NEK6: variants seen among roughly 807,000 people sequenced by gnomAD.
NEK6 encodes serine/threonine-protein kinase Nek6.
A neutral mutation model predicts 43.5 loss-of-function variants in NEK6; 27 were observed. That is an observed-to-expected ratio of 0.62 (90% CI 0.46 to 0.86). The LOEUF (loss-of-function observed/expected upper bound fraction) is 0.86, where lower values mean the gene tolerates loss of function less well. NEK6 is among the 40% of genes least tolerant of loss of function. The probability of loss-of-function intolerance (pLI) is 0.00; values close to 1 mark genes in which losing one functional copy is unlikely to be tolerated. For missense variants in NEK6, 318 were observed against 414.4 expected, an observed-to-expected ratio of 0.77 and a Z score of 2.02; for synonymous variants, 167 against 164.1, an observed-to-expected ratio of 1.02 and a Z score of -0.14.
At chr9:124,278,108 C>A (rs1242708041) in intron 1 of NEK6, among the ~76,000 whole-genome samples, 1 of 152,202 alleles carries the variant, frequency 6.6e-6, no homozygotes, top group African/African-American at 2.4e-5. Context: ...TGTAAACACA[C>A]AAATACTGAC....
intron 4 of NEK6, among the ~76,000 whole-genome samples, chr9:124,316,514 C>T (rs1264279027): frequency 4.6e-5 from 7 of 152,212 alleles, no homozygotes; most frequent in African/African-American, 9.6e-5. Context: ...AGACAAAGCC[C>T]AACCACATTG....
At position 124,272,999 on chromosome 9, in the gene NEK6, G is replaced by T. The variant is rs138888651; in HGVS notation, c.-30+14914G>T. Among the ~76,000 whole-genome samples the T allele has an allele frequency of 1.6e-4, 24 of 152,338 alleles. No individual in the cohort carries two copies. The East Asian group carries it at 4.6e-3, about 29-fold the overall frequency. On this transcript the variant is annotated intron_variant, in intron 1 of 9. Coordinates refer to ENST00000320246, the MANE Select transcript of NEK6 (RefSeq NM_014397.6). ...AAGCAGTAGACTCTCAGCGGCCCAT[G>T]TGTCAGGGCTGTGCTGGGTGCTGCA...
chr9:124,350,974 G>T lies in NEK6; in HGVS notation c.*27G>T. ...CGTGGATGCACCGTGCCTTATCAAAGCCAGCACCACTTTGCCTTACTTGAG... is the reference window on the plus strand; with the variant it reads ...CGTGGATGCACCGTGCCTTATCAAATCCAGCACCACTTTGCCTTACTTGAG... On this transcript the variant is annotated 3_prime_UTR_variant, in exon 10 of 10. Coordinates refer to ENST00000320246, the MANE Select transcript of NEK6 (RefSeq NM_014397.6). 1 of 1,534,474 alleles carries T rather than the reference G, an allele frequency of 6.5e-7. No homozygotes were observed.
chr9:124,328,743 A>T (rs1335061669), intron 7 of NEK6, among the ~76,000 whole-genome samples: 2 of 152,190 alleles, frequency 1.3e-5, no homozygotes, highest in African/African-American at 4.8e-5. Context: ...CGCGTCACAC[A>T]CACTTAGGAG....
chr9:124,293,073 G>C, intron 1 of NEK6: 1 of 1,417,904 alleles, frequency 7.1e-7, no homozygotes, highest in Non-Finnish European at 9.3e-7. Flanking sequence ...GCCTGCTAGC[G>C]GGCCTGGGAC....
chr9:124,312,946 T>C (rs557954381), intron 3 of NEK6, among the ~76,000 whole-genome samples: 9 of 152,324 alleles, frequency 5.9e-5, no homozygotes, highest in African/African-American at 2.2e-4. Flanking sequence ...ATCTCTCAGA[T>C]GAGGAAAATC....
intron 2 of NEK6, among the ~76,000 whole-genome samples, chr9:124,307,947 G>A (rs1177120669): frequency 6.6e-6 from 1 of 152,134 alleles, no homozygotes; most frequent in African/African-American, 2.4e-5. Context: ...CCCAGTCCCC[G>A]GGGAAGCAGG....
intron 1 of NEK6, among the ~76,000 whole-genome samples, chr9:124,293,423 C>G (rs548126249): frequency 3.3e-5 from 5 of 152,332 alleles, no homozygotes; most frequent in Non-Finnish European, 7.3e-5. Flanking sequence ...CAAGAATCTT[C>G]TGGGCAGAAG....
rs181742214 is a variant in NEK6 at position 124,329,312 on chromosome 9, T to C, written c.622+1867T>C. On this transcript the variant is annotated intron_variant, in intron 7 of 9. Transcript: ENST00000320246. ...GAGAAGAGTTAGAACCGCTGCGTCC[T>C]GTCCCCCGTCAGTCAGCACCGAGCC... 1.5e-4 allele frequency among the ~76,000 whole-genome samples: 23 copies of C among 152,362 alleles called. No individual in the cohort carries two copies. The East Asian group carries it at 4.4e-3, about 29-fold the overall frequency.
chr9:124,300,816 C>T (rs1227107850), intron 1 of NEK6, among the ~76,000 whole-genome samples: 1 of 152,200 alleles, frequency 6.6e-6, no homozygotes, highest in Non-Finnish European at 1.5e-5. Flanking sequence ...CTCCATTCCT[C>T]AGGACTTCTG....
At chr9:124,277,439 C>G (rs1371779715) in intron 1 of NEK6, among the ~76,000 whole-genome samples, 3 of 152,164 alleles carry the variant, frequency 2.0e-5, no homozygotes, top group Non-Finnish European at 4.4e-5. Flanking sequence ...GAGTGAGGCT[C>G]CATCTCAAAA....
chr9:124,268,849 A>G (rs1272851841), intron 1 of NEK6, among the ~76,000 whole-genome samples: 1 of 152,232 alleles, frequency 6.6e-6, no homozygotes, highest in African/African-American at 2.4e-5. Context: ...ACAGAACTGC[A>G]GCACATCAGT....
At chr9:124,341,107 A>G (rs1046537518) in intron 8 of NEK6, among the ~76,000 whole-genome samples, 2 of 152,150 alleles carry the variant, frequency 1.3e-5, no homozygotes, top group East Asian at 1.9e-4. Flanking sequence ...CAGTGGCGCA[A>G]TCTCGGCTCA....
chr9:124,284,685 G>A (rs777418009), intron 1 of NEK6, among the ~76,000 whole-genome samples: 33 of 152,208 alleles, frequency 2.2e-4, no homozygotes, highest in African/African-American at 5.3e-4. Flanking sequence ...GGAATTCTCC[G>A]GACGCCTGTG....
At chr9:124,319,316 T>A (rs1258014924) in intron 4 of NEK6, among the ~76,000 whole-genome samples, 3 of 152,118 alleles carry the variant, frequency 2.0e-5, no homozygotes, top group Non-Finnish European at 2.9e-5. Flanking sequence ...TTTGTTTTTT[T>A]TTATTGATTT....
rs147358571 is a variant in NEK6 at position 124,314,616 on chromosome 9, G to A, written c.294+631G>A. Among the ~76,000 whole-genome samples, 434 of 151,958 alleles carry A rather than the reference G, an allele frequency of 2.9e-3. 6 individuals carry two copies. The highest frequency in any genetic ancestry group is 0.024 in the East Asian group (123 of 5,168). Reference sequence around the variant, plus strand: ...AGCAATCCTCCCGCCTCAGTCTCCCGAGTAGCTGGGACCACAGGCGCATGC... The same window carrying A: ...AGCAATCCTCCCGCCTCAGTCTCCCAAGTAGCTGGGACCACAGGCGCATGC... On this transcript the variant is annotated intron_variant, in intron 4 of 9. Transcript: ENST00000320246.
chr9:124,261,955 C>CTT (rs544517624), intron 1 of NEK6, among the ~76,000 whole-genome samples: 2 of 143,662 alleles, frequency 1.4e-5, no homozygotes, highest in African/African-American at 2.5e-5. Flanking sequence ...ACATTTTTAT[C>CTT]TTTTTTTTTT....
intron 1 of NEK6, chr9:124,292,230 C>T (rs967776610): frequency 1.4e-5 from 17 of 1,259,214 alleles, no homozygotes; most frequent in Middle Eastern, 5.7e-4. Flanking sequence ...CTGCCACCCA[C>T]CGCTGGCTCA....
intron 1 of NEK6, among the ~76,000 whole-genome samples, chr9:124,273,885 C>T (rs1377821020): frequency 4.6e-5 from 7 of 152,202 alleles, no homozygotes; most frequent in Admixed American, 6.5e-5. Flanking sequence ...GGCGGCTCTT[C>T]CAGGACCTAA....
Sources: gnomAD v4.1 joint callset for allele counts (sites outside exome capture counted in the v4.1 genomes callset) on GRCh38, gnomAD v4.1.1 for gene constraint, MANE v1.5 for transcripts, NCBI Gene and HGNC (gene_info 2026-07-23, HGNC 2026-07-21) for gene names.